Variants in DDR2 observed in about 807,000 individuals in gnomAD.
DDR2 encodes discoidin domain receptor tyrosine kinase 2, also known as discoidin domain-containing receptor 2.
DDR2 carries 27 observed loss-of-function variants against 94.9 expected under a neutral mutation model. That is an observed-to-expected ratio of 0.28 (90% confidence interval 0.21 to 0.39). DDR2 has a LOEUF of 0.39. Among genes scored for constraint, DDR2 ranks in the 10% least tolerant of loss-of-function variants. The pLI, the probability that DDR2 is intolerant of heterozygous loss-of-function variation, is 1.00. For missense variants in DDR2, 783 were observed against 1,076.0 expected, an observed-to-expected ratio of 0.73 and a Z score of 3.81; for synonymous variants, 382 against 377.2, an observed-to-expected ratio of 1.01 and a Z score of -0.15.
intron 3 of DDR2, among the ~76,000 whole-genome samples, chr1:162,734,600 G>T (rs1317735755): frequency 6.6e-6 from 1 of 152,194 alleles, no homozygotes; most frequent in East Asian, 1.9e-4. Flanking sequence ...TTGGGGGAGT[G>T]ACTGGCTGAC....
chr1:162,781,755 C>T lies in DDR2; in HGVS notation c.*1509C>T, dbSNP rs1007854579. The stretch of plus-strand genomic sequence containing the variant: ...CTGCTCAGAGCAGATTCTGAGTTTT[C>T]ACACTCCACAAATCCTCAGATTTAG... On this transcript the variant is annotated 3_prime_UTR_variant, in exon 18 of 18. Coordinates refer to ENST00000367921, the MANE Select transcript of DDR2 (RefSeq NM_006182.4). 7.9e-5 allele frequency: 12 copies of T among 152,156 alleles called. No homozygotes were observed. Among genetic ancestry groups the T allele is most frequent in the African/African-American group, 2.9e-4 (12 of 41,438 alleles). 9.4% of individuals were successfully genotyped at this position (152,156 alleles called of 1,614,324 possible).
intron 7 of DDR2, among the ~76,000 whole-genome samples, chr1:162,758,501 C>T (rs1192992506): frequency 6.6e-6 from 1 of 152,078 alleles, no homozygotes; most frequent in Non-Finnish European, 1.5e-5. Flanking sequence ...TTTCATAAAA[C>T]TTTCCTGGGA....
chr1:162,639,532 T>A (rs984060829), intron 1 of DDR2, among the ~76,000 whole-genome samples: 13 of 152,090 alleles, frequency 8.5e-5, no homozygotes, highest in African/African-American at 3.1e-4. Flanking sequence ...ACAATGAAAC[T>A]CATAGAAAAT....
rs73024574 is a variant in DDR2, at chr1:162,718,509, A to T, written c.-27-528A>T. Among the ~76,000 whole-genome samples the T allele has an allele frequency of 7.6e-3, 1,163 of 152,264 alleles. 19 individuals are homozygous for T. Among genetic ancestry groups the T allele is most frequent in the East Asian group, 0.034 (178 of 5,178 alleles). The stretch of plus-strand genomic sequence containing the variant: ...ACATAAGTTCATACTGATGTCTCCA[A>T]ATCTAATCTATTATCATAGATTAGA... On this transcript the variant is annotated intron_variant, in intron 2 of 17. Transcript: ENST00000367921.
chr1:162,661,133 T>A (rs1658273421), intron 2 of DDR2, among the ~76,000 whole-genome samples: 1 of 152,214 alleles, frequency 6.6e-6, no homozygotes, highest in Admixed American at 6.5e-5. Flanking sequence ...AAAATTGGTC[T>A]GGATAATGGT....
intron 2 of DDR2, among the ~76,000 whole-genome samples, chr1:162,684,812 A>AC (rs1659589238): frequency 7.2e-6 from 1 of 137,954 alleles, no homozygotes; most frequent in South Asian, 2.4e-4. Context: ...CACACCCACC[A>AC]ACACACACAC....
intron 2 of DDR2, among the ~76,000 whole-genome samples, chr1:162,701,149 G>T (rs1351671532): frequency 6.6e-6 from 1 of 151,864 alleles, no homozygotes; most frequent in Non-Finnish European, 1.5e-5. Flanking sequence ...GACCGTAGTA[G>T]ATAGAATCAT....
At chr1:162,706,912 A>G (rs1312982856) in intron 2 of DDR2, among the ~76,000 whole-genome samples, 1 of 152,216 alleles carries the variant, frequency 6.6e-6, no homozygotes, top group Non-Finnish European at 1.5e-5. Flanking sequence ...ATGAAATGGA[A>G]AGGGTTAGAA....
At chr1:162,632,656 T>G (rs923874372) in intron 1 of DDR2, 25 bp downstream of exon 1, 1 of 152,236 alleles carries the variant, frequency 6.6e-6, no homozygotes, top group East Asian at 1.9e-4. Context: ...TCTTTTTTCT[T>G]TATTATTTTT....
At chr1:162,689,022 G>A (rs571627018) in intron 2 of DDR2, among the ~76,000 whole-genome samples, 1 of 152,286 alleles carries the variant, frequency 6.6e-6, no homozygotes, top group South Asian at 2.1e-4. Flanking sequence ...TGTGACTTAG[G>A]TTCTTTAACT....
At chr1:162,640,582 C>T (rs1265763670) in intron 1 of DDR2, among the ~76,000 whole-genome samples, 1 of 152,130 alleles carries the variant, frequency 6.6e-6, no homozygotes, top group Admixed American at 6.5e-5. Flanking sequence ...TACTTTGATT[C>T]CATCTTGGCT....
intron 2 of DDR2, among the ~76,000 whole-genome samples, chr1:162,693,772 A>G (rs560477575): frequency 1.3e-5 from 2 of 152,188 alleles, no homozygotes; most frequent in Admixed American, 1.3e-4. Flanking sequence ...AGGGAGGCTG[A>G]CAGGTATGTG....
At chr1:162,679,203 C>A (rs1659280595) in intron 2 of DDR2, among the ~76,000 whole-genome samples, 1 of 152,000 alleles carries the variant, frequency 6.6e-6, no homozygotes. Context: ...TCCCACTGAC[C>A]ATCCTCAAGT....
rs761618610 is a variant in DDR2, at chr1:162,767,233, A to C, written c.1167A>C (p.Pro389=). 2 of 1,613,930 alleles carry C rather than the reference A, an allele frequency of 1.2e-6. No homozygotes were observed. Among genetic ancestry groups the C allele is most frequent in the Admixed American group, 3.3e-5 (2 of 60,000 alleles). The change falls in exon 11 of 18, where the codon CCA becomes CCC. Residue 389 remains proline, a synonymous_variant. Coordinates refer to ENST00000367921, the MANE Select transcript of DDR2 (RefSeq NM_006182.4). ...TSPMAPTTYD[P]MLKVDDSNTR... ...GCCTTCTCTCCCTGGTCACAGATCCAATGCTTAAAGTTGATGACAGCAACA... is the reference window on the plus strand; with the variant it reads ...GCCTTCTCTCCCTGGTCACAGATCCCATGCTTAAAGTTGATGACAGCAACA...
At chr1:162,779,663 C>G (rs926234141) in intron 17 of DDR2, among the ~76,000 whole-genome samples, 1 of 152,170 alleles carries the variant, frequency 6.6e-6, no homozygotes, top group Non-Finnish European at 1.5e-5. Context: ...GGTTATGAGG[C>G]AATTTGCCTT....
At chr1:162,740,861 G>C (rs575566248) in intron 3 of DDR2, among the ~76,000 whole-genome samples, 1 of 152,124 alleles carries the variant, frequency 6.6e-6, no homozygotes, top group Non-Finnish European at 1.5e-5. Context: ...CACAGCGTTG[G>C]TTTCAGAAGA....
At chr1:162,646,378 G>A (rs1344034813) in intron 1 of DDR2, among the ~76,000 whole-genome samples, 1 of 152,076 alleles carries the variant, frequency 6.6e-6, no homozygotes, top group Non-Finnish European at 1.5e-5. Context: ...CAATTGTGAG[G>A]ACTTCTGAGT....
intron 3 of DDR2, among the ~76,000 whole-genome samples, chr1:162,720,156 T>A (rs970923920): frequency 6.6e-6 from 1 of 151,636 alleles, no homozygotes; most frequent in Admixed American, 6.6e-5. Flanking sequence ...AGTCATTTTT[T>A]TTTTCATTTT....
At chr1:162,705,511 C>A (rs1660620914) in intron 2 of DDR2, among the ~76,000 whole-genome samples, 1 of 152,216 alleles carries the variant, frequency 6.6e-6, no homozygotes, top group South Asian at 2.1e-4. Context: ...GGGGGAGCAG[C>A]ATTCCTTCTG....
Sources: gnomAD v4.1 joint callset for allele counts (sites outside exome capture counted in the v4.1 genomes callset) on GRCh38, gnomAD v4.1.1 for gene constraint, MANE v1.5 for transcripts, NCBI Gene and HGNC (gene_info 2026-07-23, HGNC 2026-07-21) for gene names.